Variants in DNAJC27 observed in about 807,000 individuals in gnomAD.
DNAJC27 encodes dnaJ homolog subfamily C member 27.
DNAJC27 carries 25 observed loss-of-function variants against 31.4 expected under a neutral mutation model. The ratio of observed to expected loss-of-function variants is 0.80; its 90% CI spans 0.58 to 1.11. The LOEUF is 1.11. Among genes scored for constraint, DNAJC27 ranks in the 50% most tolerant of loss-of-function variants. DNAJC27 has a pLI of 0.00. For missense variants in DNAJC27, 356 were observed against 347.3 expected (o/e 1.02, Z -0.20); for synonymous variants, 106 against 112.7 (o/e 0.94, Z 0.37).
Position 24,963,412 on chromosome 2 carries a change from A to G in DNAJC27, c.233T>C (p.Phe78Ser). 6.2e-7 allele frequency: 1 copy of G among 1,613,478 alleles called. No homozygotes were observed. Among genetic ancestry groups the G allele is most frequent in the Non-Finnish European group, 8.5e-7 (1 of 1,179,548 alleles). Residue 78 changes from phenylalanine (F) to serine (S), a missense_variant, in exon 3 of 7, where the codon TTC (phenylalanine) becomes TCC (serine). Transcript: ENST00000264711. ...NIFDMAGHPF[F>S]YEVRNEFYKD... is the part of the protein sequence containing the mutation. ...TCAAAAAGGCTTTCTTACCTCATAG[A>G]AGAAGGGATGTCCAGCCATATCAAA...
intron 1 of DNAJC27, among the ~76,000 whole-genome samples, 162 bp from the exon 2 acceptor site, chr2:24,967,455 C>G (rs1476200042): frequency 6.6e-6 from 1 of 152,124 alleles, no homozygotes; most frequent in Non-Finnish European, 1.5e-5. Context: ...CATCTCAGCA[C>G]TTTCAGAGGC....
intron 3 of DNAJC27, among the ~76,000 whole-genome samples, chr2:24,962,773 CA>C (rs1326861389): frequency 4.0e-5 from 6 of 151,608 alleles, no homozygotes; most frequent in Admixed American, 2.0e-4. Context: ...GAATCTAAAA[CA>C]AAAAGAGCAA....
intron 5 of DNAJC27, among the ~76,000 whole-genome samples, chr2:24,954,765 G>A (rs1665865088): frequency 6.6e-6 from 1 of 152,102 alleles, no homozygotes; most frequent in African/African-American, 2.4e-5. Context: ...GTGAAACCCT[G>A]TCTCTACTAA....
chr2:24,963,281 CGATCAAGCTAAAATT>C, intron 3 of DNAJC27, 109 bp downstream of exon 3: 1 of 640,002 alleles, frequency 1.6e-6, no homozygotes, highest in South Asian at 2.9e-5. Context: ...AGGCAAGCCA[CGATCAAGCTAAAATT>C]ATGCAATTTT....
intron 6 of DNAJC27, among the ~76,000 whole-genome samples, chr2:24,949,713 A>G (rs953077969): frequency 2.6e-5 from 4 of 152,216 alleles, no homozygotes; most frequent in African/African-American, 9.6e-5. Flanking sequence ...GTAAATTTCA[A>G]TTAACCAAAG....
At position 24,963,387 on chromosome 2, in the gene DNAJC27, T is replaced by C. The variant is rs747789379; in HGVS notation, c.240+18A>G. The C allele has an allele frequency of 1.2e-6, 2 of 1,606,858 alleles. No homozygotes were observed. The highest frequency in any genetic ancestry group is 2.2e-5 in the East Asian group (1 of 44,832). ...CCAACAATACTGGATATAGGTTTTG[T>C]CAAAAAGGCTTTCTTACCTCATAGA... On this transcript the variant is annotated intron_variant, in intron 3 of 6. Transcript: ENST00000264711.
At chr2:24,948,572 A>C (rs1409686857) in intron 6 of DNAJC27, among the ~76,000 whole-genome samples, 1 of 152,210 alleles carries the variant, frequency 6.6e-6, no homozygotes, top group Non-Finnish European at 1.5e-5. Flanking sequence ...AACACGACAG[A>C]GATCAGTATT....
intron 3 of DNAJC27, 29 bp from the exon 4 acceptor site, chr2:24,958,003 C>G (rs758848351): frequency 6.3e-7 from 1 of 1,597,708 alleles, no homozygotes. Flanking sequence ...ATACACAAAA[C>G]GTAGTTTTTG....
intron 1 of DNAJC27, chr2:24,971,548 C>G (rs982566283): frequency 3.3e-6 from 1 of 307,136 alleles, no homozygotes; most frequent in Non-Finnish European, 6.1e-6. Flanking sequence ...GGACCCAGGC[C>G]TTCTTACTCT....
intron 3 of DNAJC27, chr2:24,958,474 G>A (rs933661347): frequency 4.1e-6 from 1 of 245,666 alleles, no homozygotes; most frequent in Non-Finnish European, 9.0e-6. Flanking sequence ...TCCAAACTCA[G>A]AGCCTCAGTG....
Position 24,958,658 on chromosome 2 carries a change from G to A in DNAJC27, c.241-684C>T, listed in dbSNP as rs1665969059. 4 of 254,164 alleles carry A rather than the reference G, an allele frequency of 1.6e-5. No homozygotes were observed. The Admixed American group carries it at 1.6e-4, about 10-fold the overall frequency. The allele number at this position is 254,164 out of a possible 1,614,324, so 15.7% of individuals were successfully genotyped here. On this transcript the variant is annotated intron_variant, in intron 3 of 6. Coordinates refer to ENST00000264711, the MANE Select transcript of DNAJC27 (RefSeq NM_016544.3). ...CAGGGTTATTATGATGGTTAAATGA[G>A]ATAATGCAGGCAAAGTACTTAGCAT...
chr2:24,971,928 C>G lies in DNAJC27; in HGVS notation c.-24G>C, dbSNP rs1194116008. 6.5e-7 allele frequency: 1 copy of G among 1,542,462 alleles called. No individual in the cohort carries two copies. The highest frequency in any genetic ancestry group is 8.8e-7 in the Non-Finnish European group (1 of 1,142,284). On this transcript the variant is annotated 5_prime_UTR_variant, in exon 1 of 7. Transcript: ENST00000264711. ...ATGGCCCTGGCTCTCTCGGGGCCAC[C>G]CGCCTCGGTCTCTTCTTGTGCACCG...
intron 5 of DNAJC27, among the ~76,000 whole-genome samples, chr2:24,952,932 T>G (rs186201397): frequency 6.6e-6 from 1 of 152,288 alleles, no homozygotes; most frequent in Non-Finnish European, 1.5e-5. Context: ...TTTTTTTCTT[T>G]TTTTTGAGAC....
At position 24,945,269 on chromosome 2, in the gene DNAJC27, G is replaced by A. The variant is rs1291779263; in HGVS notation, c.*2347C>T. Reference sequence around the variant, plus strand: ...CTTTTACGTAAATGAAGTGGTATATGGCCATTCTTAACATTAATAATGAAG... The same window carrying A: ...CTTTTACGTAAATGAAGTGGTATATAGCCATTCTTAACATTAATAATGAAG... On this transcript the variant is annotated 3_prime_UTR_variant, in exon 7 of 7. Transcript: ENST00000264711. The A allele has an allele frequency of 6.6e-6, 1 of 152,110 alleles. No individual in the cohort carries two copies. The highest frequency in any genetic ancestry group is 1.5e-5 in the Non-Finnish European group (1 of 68,030). The allele number at this position is 152,110 out of a possible 1,614,324, so 9.4% of individuals were successfully genotyped here.
chr2:24,968,209 G>A (rs1467229790), intron 1 of DNAJC27, among the ~76,000 whole-genome samples: 1 of 151,956 alleles, frequency 6.6e-6, no homozygotes, highest in Non-Finnish European at 1.5e-5. Flanking sequence ...CTTTAAAATA[G>A]CTCTACTCAC....
chr2:24,959,293 C>T (rs1665984712), intron 3 of DNAJC27, among the ~76,000 whole-genome samples: 4 of 152,176 alleles, frequency 2.6e-5, no homozygotes. Context: ...ACCAAAATCC[C>T]CCAAATCCTG....
chr2:24,964,421 C>CAA (rs771037919), intron 2 of DNAJC27, among the ~76,000 whole-genome samples: 10 of 74,772 alleles, frequency 1.3e-4, no homozygotes, highest in Non-Finnish European at 2.2e-4. Flanking sequence ...GACTCCGTCT[C>CAA]AAAAAAAAAA....
rs1665922391 is a variant in DNAJC27, at chr2:24,957,095, A to G, written c.476T>C (p.Leu159Pro). The change falls in exon 5 of 7, where the codon CTG becomes CCG. Residue 159 changes from leucine (L) to proline (P), a missense_variant. Coordinates refer to ENST00000264711, the MANE Select transcript of DNAJC27 (RefSeq NM_016544.3). ...AGTTTGTGCTGAAGTTTCAAAGTAC[A>G]GGAACCCTTTGCTTTCAGCCCAAAG... ...GRLWAESKGF[L>P]YFETSAQTGE... The G allele has an allele frequency of 1.5e-5, 24 of 1,610,550 alleles. No homozygotes were observed. The highest frequency in any genetic ancestry group is 2.7e-5 in the African/African-American group (2 of 74,694).
chr2:24,954,763 C>T (rs1305038007), intron 5 of DNAJC27, among the ~76,000 whole-genome samples: 1 of 152,162 alleles, frequency 6.6e-6, no homozygotes, highest in African/African-American at 2.4e-5. Flanking sequence ...CGGTGAAACC[C>T]TGTCTCTACT....
Sources: allele counts gnomAD v4.1 joint callset (sites outside exome capture counted in the v4.1 genomes callset), GRCh38; gene constraint gnomAD v4.1.1; transcripts MANE v1.5; gene names NCBI Gene and HGNC (gene_info 2026-07-23, HGNC 2026-07-21).